ABCB5: variants seen among roughly 807,000 people sequenced by gnomAD.
ABCB5 encodes the protein ATP-binding cassette sub-family B member 5.
In ABCB5, 155 loss-of-function variants were observed where a neutral mutation model predicts 144.2. The ratio of observed to expected loss-of-function variants is 1.08; its 90% CI spans 0.94 to 1.23. The LOEUF (loss-of-function observed/expected upper bound fraction) is 1.23, where lower values mean the gene tolerates loss of function less well. Ranked by LOEUF, ABCB5 falls within the 50% of genes most tolerant of loss-of-function variation. The pLI is 0.00. For synonymous variants in ABCB5, 610 were observed against 528.6 expected (o/e 1.15, Z -2.11); for missense variants, 1,830 against 1,520.8 (o/e 1.20, Z -3.38).
chr7:20,743,041 G>C lies in ABCB5; in HGVS notation c.3189G>C (p.Leu1063=). ...GCGKSTSVQL[L]QRLYDPVQGQ... The stretch of plus-strand genomic sequence containing the variant: ...GGAAAAGCACTTCTGTTCAACTTCT[G>C]CAGAGACTTTATGACCCCGTGCAAG... Residue 1063 remains leucine, a synonymous_variant, in exon 25 of 28, where the codon CTG becomes CTC. Transcript: ENST00000404938. 1.2e-6 allele frequency: 2 copies of C among 1,614,124 alleles called. No individual in the cohort carries two copies. Among genetic ancestry groups the C allele is most frequent in the Non-Finnish European group, 1.7e-6 (2 of 1,179,994 alleles).
At chr7:20,621,703 A>G (rs1269461976) in intron 1 of ABCB5, among the ~76,000 whole-genome samples, 1 of 152,174 alleles carries the variant, frequency 6.6e-6, no homozygotes, top group Non-Finnish European at 1.5e-5. Flanking sequence ...ATACAGACAC[A>G]AGCAAAGAGC....
chr7:20,723,374 G>A (rs1781936350), intron 21 of ABCB5, among the ~76,000 whole-genome samples, 155 bp downstream of exon 21: 1 of 152,156 alleles, frequency 6.6e-6, no homozygotes, highest in Non-Finnish European at 1.5e-5. Context: ...AGAGAGAAAT[G>A]CATACAGACC....
chr7:20,694,332 A>G (rs1786335123), intron 16 of ABCB5, among the ~76,000 whole-genome samples: 1 of 152,038 alleles, frequency 6.6e-6, no homozygotes, highest in Non-Finnish European at 1.5e-5. Context: ...TTCAGAAATT[A>G]ATGTAATTCT....
At chr7:20,650,647 G>A (rs1238525122) in intron 12 of ABCB5, among the ~76,000 whole-genome samples, 21 of 151,654 alleles carry the variant, frequency 1.4e-4, no homozygotes, top group Admixed American at 1.3e-3. Flanking sequence ...ATAAGACAGT[G>A]ATATTCAAAA....
At position 20,647,558 on chromosome 7, in the gene ABCB5, C is replaced by T. The variant is rs2893006; in HGVS notation, c.1005C>T (p.Ser335=). ...AGGTTTTCTTTAGTGTAATCCATAG[C>T]AGTTATTGCATTGGAGCAGCAGTCC... ...VLAVFFSVIH[S]SYCIGAAVPH... The change falls in exon 10 of 28, where the codon AGC becomes AGT. Residue 335 remains serine (S), a synonymous_variant. Coordinates refer to ENST00000404938, the MANE Select transcript of ABCB5 (RefSeq NM_001163941.2). 0.22 allele frequency: 340,650 copies of T among 1,581,616 alleles called. 39,506 individuals are homozygous for T. The highest frequency in any genetic ancestry group is 0.39 in the African/African-American group (29,006 of 74,216).
rs77496456 is a variant in ABCB5, at chr7:20,667,477, T to A, written c.1707+8801T>A. The A allele has an allele frequency of 3.6e-4, 355 of 983,702 alleles. 1 individual carries two copies. The African/African-American group carries it at 5.9e-3, about 16-fold the overall frequency. 60.9% of individuals were successfully genotyped at this position (983,702 alleles called of 1,614,324 possible). A position where few individuals can be genotyped will look rare whatever the true frequency, so the allele number is the denominator to read the frequency against. On this transcript the variant is annotated intron_variant, in intron 14 of 27. Transcript: ENST00000404938. ...AACCTTTTAATTGTTTGACTTTATA[T>A]TCTGTCCTCTCAAATTCTCCTTAGA...
At chr7:20,696,744 A>G (rs1455746755) in intron 16 of ABCB5, among the ~76,000 whole-genome samples, 1 of 152,128 alleles carries the variant, frequency 6.6e-6, no homozygotes, top group Non-Finnish European at 1.5e-5. Context: ...AACCTGTCTC[A>G]TATTTAAGTA....
chr7:20,723,315 A>G (rs1781934548), intron 21 of ABCB5, 96 bp downstream of exon 21: 2 of 1,221,730 alleles, frequency 1.6e-6, no homozygotes, highest in Admixed American at 4.0e-5. Context: ...AACCATCTTT[A>G]TGATATATTA....
chr7:20,753,345 A>T lies in ABCB5; in HGVS notation c.3430-15A>T, dbSNP rs780227504. On this transcript the variant is annotated splice_polypyrimidine_tract_variant and intron_variant, in intron 26 of 27. Coordinates refer to ENST00000404938, the MANE Select transcript of ABCB5 (RefSeq NM_001163941.2). Reference sequence around the variant, plus strand: ...AACCAAGACTTGCTTTCTTAATTGCATGCTCCTGTGATAGAAATACAACAC... The same window carrying T: ...AACCAAGACTTGCTTTCTTAATTGCTTGCTCCTGTGATAGAAATACAACAC... 6.3e-7 allele frequency: 1 copy of T among 1,597,010 alleles called. No individual in the cohort carries two copies. The highest frequency in any genetic ancestry group is 8.6e-7 in the Non-Finnish European group (1 of 1,169,276).
rs1178732775 is a variant in ABCB5, at chr7:20,712,673, A to C, written c.2421+7866A>C. On this transcript the variant is annotated intron_variant, in intron 20 of 27. Coordinates refer to ENST00000404938, the MANE Select transcript of ABCB5 (RefSeq NM_001163941.2). Reference sequence around the variant, plus strand: ...CTATCATATATATTTTTCATCTCAGATATTATATTTTTTATTTTTAGAATT... The same window carrying C: ...CTATCATATATATTTTTCATCTCAGCTATTATATTTTTTATTTTTAGAATT... Among the ~76,000 whole-genome samples the C allele has an allele frequency of 4.7e-5, 7 of 149,134 alleles. 2 individuals are homozygous for C. The highest frequency in any genetic ancestry group is 4.7e-4 in the Admixed American group (7 of 14,980).
chr7:20,633,146 A>G (rs1784074380), intron 5 of ABCB5, among the ~76,000 whole-genome samples: 1 of 152,128 alleles, frequency 6.6e-6, no homozygotes, highest in African/African-American at 2.4e-5. Flanking sequence ...TTGGAGACTA[A>G]TTATTCAGAC....
At chr7:20,663,239 T>G (rs1436601797) in intron 14 of ABCB5, among the ~76,000 whole-genome samples, 1 of 152,216 alleles carries the variant, frequency 6.6e-6, no homozygotes, top group Admixed American at 6.5e-5. Flanking sequence ...ATTTCACTTC[T>G]GAGTATATGC....
intron 7 of ABCB5, among the ~76,000 whole-genome samples, chr7:20,644,986 A>G (rs1784370833): frequency 1.3e-5 from 2 of 152,202 alleles, no homozygotes; most frequent in South Asian, 4.1e-4. Context: ...TCAGAACCTT[A>G]ACGTCCACAG....
intron 20 of ABCB5, among the ~76,000 whole-genome samples, chr7:20,711,938 T>C (rs1787088629): frequency 7.3e-6 from 1 of 137,824 alleles, no homozygotes; most frequent in Non-Finnish European, 1.6e-5. Flanking sequence ...TTTTTCTTTC[T>C]TTCTTTCAAG....
At chr7:20,733,209 A>G (rs1222711342) in intron 23 of ABCB5, among the ~76,000 whole-genome samples, 1 of 150,798 alleles carries the variant, frequency 6.6e-6, no homozygotes, top group Admixed American at 6.6e-5. Flanking sequence ...TTATTATTAC[A>G]AATTCTGTGG....
Position 20,727,159 on chromosome 7 carries a change from T to C in ABCB5, c.2726+19T>C. Reference sequence around the variant, plus strand: ...AACACAGGTGATTATAGATTCATACTGACTTCAAAAACTTAATTTTGTTCT... The same window carrying C: ...AACACAGGTGATTATAGATTCATACCGACTTCAAAAACTTAATTTTGTTCT... On this transcript the variant is annotated intron_variant, in intron 22 of 27. Coordinates refer to ENST00000404938, the MANE Select transcript of ABCB5 (RefSeq NM_001163941.2). The C allele has an allele frequency of 6.3e-7, 1 of 1,596,222 alleles. No individual in the cohort carries two copies. Among genetic ancestry groups the C allele is most frequent in the Non-Finnish European group, 8.6e-7 (1 of 1,167,262 alleles).
intron 4 of ABCB5, among the ~76,000 whole-genome samples, chr7:20,629,145 C>CGTGTGTGTGTGTGT (rs149986314): frequency 0.05 from 6,698 of 135,070 alleles, 313 homozygotes; most frequent in Non-Finnish European, 0.062. Flanking sequence ...AGAGAGACTG[C>CGTGTGTGTGTGTGT]GTGTGTGTGT....
Position 20,753,489 on chromosome 7 carries a change from G to T in ABCB5, c.3559G>T (p.Asp1187Tyr). 1 of 1,613,124 alleles carries T rather than the reference G, an allele frequency of 6.2e-7. No individual in the cohort carries two copies. The highest frequency in any genetic ancestry group is 8.5e-7 in the Non-Finnish European group (1 of 1,179,636). ...GTTGGATGAGGCCACTTCAGCCCTC[G>T]ATAATGACAGTGAGAAGGTAACATC... ...LLLDEATSALDNDSEKVVQHA... is the reference protein window; with the variant it reads ...LLLDEATSALYNDSEKVVQHA... The change falls in exon 27 of 28, where the codon GAT (aspartate) becomes TAT (tyrosine). Residue 1187 changes from aspartate (D) to tyrosine (Y), a missense_variant. Coordinates refer to ENST00000404938, the MANE Select transcript of ABCB5 (RefSeq NM_001163941.2).
chr7:20,624,657 A>G (rs1001223938), intron 2 of ABCB5, among the ~76,000 whole-genome samples: 4 of 152,186 alleles, frequency 2.6e-5, no homozygotes, highest in Non-Finnish European at 2.9e-5. Flanking sequence ...AAGGATTCCT[A>G]TTAGGTGGAG....
Sources: allele counts gnomAD v4.1 joint callset (sites outside exome capture counted in the v4.1 genomes callset), GRCh38; gene constraint gnomAD v4.1.1; transcripts MANE v1.5; gene names NCBI Gene and HGNC (gene_info 2026-07-23, HGNC 2026-07-21).